Variants in MED12L observed in about 807,000 individuals in gnomAD.
MED12L encodes the protein mediator of RNA polymerase II transcription subunit 12-like protein.
A neutral mutation model predicts 281.3 loss-of-function variants in MED12L; 60 were observed. The observed-to-expected ratio is 0.21, with a 90% CI of 0.17 to 0.26. The LOEUF (loss-of-function observed/expected upper bound fraction) is 0.26, where lower values mean the gene tolerates loss of function less well. Ranked by LOEUF, MED12L falls within the 10% of genes least tolerant of loss-of-function variation. MED12L has a pLI of 1.00. For missense variants in MED12L, 2,146 were observed against 2,680.9 expected, an observed-to-expected ratio of 0.80 and a Z score of 4.41; for synonymous variants, 974 against 987.2, an observed-to-expected ratio of 0.99 and a Z score of 0.25.
At chr3:151,324,030 G>A (rs1435181769) in intron 16 of MED12L, among the ~76,000 whole-genome samples, 1 of 152,206 alleles carries the variant, frequency 6.6e-6, no homozygotes. Flanking sequence ...GGACAGAGAG[G>A]CAGTGACCAG....
chr3:151,121,320 G>A (rs1038576191), intron 3 of MED12L, among the ~76,000 whole-genome samples: 1 of 152,010 alleles, frequency 6.6e-6, no homozygotes, highest in Non-Finnish European at 1.5e-5. Context: ...AAAAAAAGAC[G>A]GACTCCTTTT....
intron 36 of MED12L, 71 bp from the exon 37 acceptor site, chr3:151,387,739 C>G (rs1444200273): frequency 6.6e-7 from 1 of 1,517,202 alleles, no homozygotes; most frequent in Non-Finnish European, 8.8e-7. Flanking sequence ...GACTCCATGT[C>G]CCATACAAGC....
rs1274659547 is a variant in MED12L at position 151,193,609 on chromosome 3, A to G, written c.2193A>G (p.Pro731=). 1.9e-6 allele frequency: 3 copies of G among 1,614,116 alleles called. No homozygotes were observed. Among genetic ancestry groups the G allele is most frequent in the Admixed American group, 1.7e-5 (1 of 60,030 alleles). ...AAAAGCCAAGGGAATTAATTTTTCC[A>G]TCTAATTATGACCTCCTTCGCCACT... ...KREKPRELIF[P]SNYDLLRHLQ... Residue 731 remains proline (P), a synonymous_variant, in exon 16 of 45, where the codon CCA becomes CCG. Transcript: ENST00000687756.
At chr3:151,401,443 A>G (rs941859254) in intron 39 of MED12L, among the ~76,000 whole-genome samples, 2 of 152,116 alleles carry the variant, frequency 1.3e-5, no homozygotes, top group Non-Finnish European at 2.9e-5. Flanking sequence ...TTCTTTCTCC[A>G]TATTCCCACC....
chr3:151,143,965 C>T lies in MED12L; in HGVS notation c.557-12196C>T, dbSNP rs1223295536. ...TCACCAAAGCCAAGGCTGTTGCTCA[C>T]TCAGGTATATATAGAAATCTGAAAA... On this transcript the variant is annotated intron_variant, in intron 5 of 44. Coordinates refer to ENST00000687756, the MANE Select transcript of MED12L (RefSeq NM_001393769.1). 7.2e-5 allele frequency among the ~76,000 whole-genome samples: 11 copies of T among 152,216 alleles called. No homozygotes were observed. In the East Asian group the frequency reaches 2.1e-3, roughly 29 times the overall value.
At chr3:151,225,446 G>A (rs1193993913) in intron 16 of MED12L, among the ~76,000 whole-genome samples, 1 of 152,188 alleles carries the variant, frequency 6.6e-6, no homozygotes, top group Non-Finnish European at 1.5e-5. Context: ...GTGAGCATGT[G>A]AGACCAAGAG....
chr3:151,137,599 G>GT (rs1332198346), intron 5 of MED12L, among the ~76,000 whole-genome samples: 4 of 152,102 alleles, frequency 2.6e-5, no homozygotes, highest in Admixed American at 1.3e-4. Context: ...GTATGTGGGG[G>GT]TTTTCCTATT....
At chr3:151,167,293 T>C (rs999183633) in intron 11 of MED12L, among the ~76,000 whole-genome samples, 2 of 152,224 alleles carry the variant, frequency 1.3e-5, no homozygotes, top group Non-Finnish European at 1.5e-5. Flanking sequence ...ATAAAAAGTT[T>C]GTCTTCTTTT....
intron 9 of MED12L, 101 bp from the exon 10 acceptor site, chr3:151,165,319 T>G (rs1315329880): frequency 2.7e-6 from 2 of 731,436 alleles, no homozygotes; most frequent in Non-Finnish European, 4.4e-6. Flanking sequence ...AAGATTGTAG[T>G]TCACTATAGG....
chr3:151,221,293 A>T (rs1729295861), intron 16 of MED12L, among the ~76,000 whole-genome samples: 1 of 152,206 alleles, frequency 6.6e-6, no homozygotes, highest in Non-Finnish European at 1.5e-5. Flanking sequence ...CAGCCTGACA[A>T]TGCAATAGAA....
At chr3:151,148,571 A>G (rs1361052064) in intron 5 of MED12L, among the ~76,000 whole-genome samples, 1 of 152,206 alleles carries the variant, frequency 6.6e-6, no homozygotes, top group Non-Finnish European at 1.5e-5. Flanking sequence ...CATATAGCCT[A>G]AAGAAGGATT....
intron 43 of MED12L, among the ~76,000 whole-genome samples, chr3:151,423,018 T>A (rs114523757): frequency 0.012 from 1,807 of 145,236 alleles, 40 homozygotes; most frequent in African/African-American, 0.043. Flanking sequence ...ATCATAAAAA[T>A]ATATATATAT....
At chr3:151,276,411 G>A (rs1741865785) in intron 16 of MED12L, among the ~76,000 whole-genome samples, 1 of 152,212 alleles carries the variant, frequency 6.6e-6, no homozygotes, top group Non-Finnish European at 1.5e-5. Context: ...TCCTCCACTA[G>A]ACAGCCTTCT....
chr3:151,183,868 G>C (rs1722974105), intron 11 of MED12L, among the ~76,000 whole-genome samples: 1 of 152,166 alleles, frequency 6.6e-6, no homozygotes, highest in Admixed American at 6.5e-5. Context: ...TTACTGCTTA[G>C]ATTAATAAAA....
intron 41 of MED12L, among the ~76,000 whole-genome samples, 170 bp downstream of exon 41, chr3:151,411,677 T>A (rs1716952922): frequency 6.6e-6 from 1 of 152,234 alleles, no homozygotes; most frequent in Admixed American, 6.5e-5. Flanking sequence ...AGGTTCAACA[T>A]AAAGAATGCT....
chr3:151,205,299 A>G (rs1726187690), intron 16 of MED12L, among the ~76,000 whole-genome samples: 1 of 152,228 alleles, frequency 6.6e-6, no homozygotes, highest in African/African-American at 2.4e-5. Context: ...TGTTAAAGAA[A>G]TAATCTATTC....
At position 151,160,117 on chromosome 3, in the gene MED12L, T is replaced by A; in HGVS notation, c.1107+16T>A. 6.7e-7 allele frequency: 1 copy of A among 1,498,038 alleles called. No individual in the cohort carries two copies. Among genetic ancestry groups the A allele is most frequent in the South Asian group, 1.4e-5 (1 of 71,706 alleles). The allele number at this position is 1,498,038 out of a possible 1,614,324, so 92.8% of individuals were successfully genotyped here. The stretch of plus-strand genomic sequence containing the variant: ...TATGTTGCAGGTAAGTCCTTGGCCC[T>A]TGTTATTTTATGTTAAAATTCAATG... On this transcript the variant is annotated intron_variant, in intron 8 of 44. Coordinates refer to ENST00000687756, the MANE Select transcript of MED12L (RefSeq NM_001393769.1).
At chr3:151,337,206 AATCTTT>A (rs1352108567) in intron 16 of MED12L, 1 of 152,134 alleles carries the variant, frequency 6.6e-6, no homozygotes, top group African/African-American at 2.4e-5. Context: ...GTCTTCTTTA[AATCTTT>A]ATCTTCTAAA....
intron 16 of MED12L, among the ~76,000 whole-genome samples, chr3:151,262,757 T>C (rs1421806937): frequency 8.4e-6 from 1 of 119,614 alleles, no homozygotes; most frequent in Non-Finnish European, 1.9e-5. Flanking sequence ...TAATAATACC[T>C]AAGACTTACT....
Sources: gnomAD v4.1 joint callset for allele counts (sites outside exome capture counted in the v4.1 genomes callset) on GRCh38, gnomAD v4.1.1 for gene constraint, MANE v1.5 for transcripts, NCBI Gene and HGNC (gene_info 2026-07-23, HGNC 2026-07-21) for gene names.